The following GPR149 variants were observed in gnomAD, a reference collection of about 807,000 sequenced individuals.
The protein encoded by GPR149 is G protein-coupled receptor 149.
Under a neutral mutation model 50.2 loss-of-function variants are expected in GPR149, and 50 were observed. The observed-to-expected ratio is 1.00, with a 90% CI of 0.79 to 1.26. The LOEUF is 1.26. Among genes scored for constraint, GPR149 ranks in the 50% most tolerant of loss-of-function variants. The pLI is 0.00. For synonymous variants in GPR149, 405 were observed against 358.2 expected (o/e 1.13, Z -1.48); for missense variants, 983 against 895.4 (o/e 1.10, Z -1.25).
rs529178768 is a variant in GPR149, at chr3:154,387,070, A to G, written c.1623+33969T>C. 7.9e-5 allele frequency among the ~76,000 whole-genome samples: 12 copies of G among 152,282 alleles called. No individual in the cohort carries two copies. In the East Asian group the frequency reaches 2.1e-3, roughly 27 times the overall value. ...AAACCATTAACTGAATATATATAAA[A>G]CAATACCTATCATGACAATTTTTGA... On this transcript the variant is annotated intron_variant, in intron 3 of 3. Transcript: ENST00000389740.
chr3:154,352,057 T>G, intron 3 of GPR149: 148 of 441,174 alleles, frequency 3.4e-4, no homozygotes, highest in Middle Eastern at 1.4e-3. Context: ...TCAACTATCA[T>G]GAGCTAATTT....
intron 3 of GPR149, among the ~76,000 whole-genome samples, chr3:154,414,961 A>G (rs1260274205): frequency 6.6e-6 from 1 of 151,970 alleles, no homozygotes; most frequent in East Asian, 1.9e-4. Flanking sequence ...AAATTTAGAG[A>G]TTAGTTATTA....
intron 3 of GPR149, among the ~76,000 whole-genome samples, chr3:154,350,201 TAAAAAAG>T (rs2108388445): frequency 6.6e-6 from 1 of 151,150 alleles, no homozygotes; most frequent in Non-Finnish European, 1.5e-5. Context: ...GTCTCAAAAA[TAAAAAAG>T]AAAAGAAAAG....
intron 3 of GPR149, among the ~76,000 whole-genome samples, chr3:154,355,647 A>T (rs1267134787): frequency 6.6e-6 from 1 of 152,236 alleles, no homozygotes; most frequent in Non-Finnish European, 1.5e-5. Flanking sequence ...AAGAAAGCAT[A>T]CACTGATTGT....
intron 3 of GPR149, among the ~76,000 whole-genome samples, chr3:154,412,475 A>C (rs528753429): frequency 4.6e-5 from 7 of 152,158 alleles, no homozygotes; most frequent in Non-Finnish European, 1.0e-4. Context: ...TAAATTCTGC[A>C]AAGTTTCAGG....
chr3:154,357,853 C>T (rs576106075), intron 3 of GPR149, among the ~76,000 whole-genome samples: 82 of 152,214 alleles, frequency 5.4e-4, no homozygotes, highest in African/African-American at 1.7e-3. Flanking sequence ...ATGTTTATTG[C>T]GGCACTTTTC....
At chr3:154,381,760 T>C (rs1714934132) in intron 3 of GPR149, among the ~76,000 whole-genome samples, 1 of 152,190 alleles carries the variant, frequency 6.6e-6, no homozygotes, top group South Asian at 2.1e-4. Flanking sequence ...TTGAAGTCTG[T>C]TTATGAAAGA....
At chr3:154,341,163 G>C (rs1713783656) in intron 3 of GPR149, among the ~76,000 whole-genome samples, 1 of 151,184 alleles carries the variant, frequency 6.6e-6, no homozygotes, top group Non-Finnish European at 1.5e-5. Flanking sequence ...AACTTAGATG[G>C]GGTGAGAAAA....
chr3:154,409,424 G>A (rs1711778165), intron 3 of GPR149, among the ~76,000 whole-genome samples: 1 of 152,034 alleles, frequency 6.6e-6, no homozygotes, highest in African/African-American at 2.4e-5. Context: ...CAATTATTAA[G>A]CTAATCAAGG....
chr3:154,387,156 G>A (rs937313850), intron 3 of GPR149, among the ~76,000 whole-genome samples: 9 of 152,184 alleles, frequency 5.9e-5, no homozygotes, highest in Non-Finnish European at 1.0e-4. Flanking sequence ...GCTTATGGGT[G>A]TTGAGCACAC....
intron 2 of GPR149, among the ~76,000 whole-genome samples, chr3:154,426,873 T>C (rs1449225521): frequency 8.8e-4 from 3 of 3,404 alleles, no homozygotes; most frequent in African/African-American, 2.3e-3. Context: ...GACCAGGGCG[T>C]GTGTGTGTGT....
In GPR149 at chr3:154,403,998, CAT is replaced by C. The variant is rs1559986337; in HGVS notation, c.1623+17039_1623+17040del. Among the ~76,000 whole-genome samples the C allele has an allele frequency of 3.3e-5, 5 of 152,322 alleles. No individual in the cohort carries two copies. In the South Asian group the frequency reaches 8.3e-4, roughly 25 times the overall value. ...TAATTTATTTAGATGTAAACAACCA[CAT>C]GTGACTAGTGGTTAATGTATTGGAC... On this transcript the variant is annotated intron_variant, in intron 3 of 3. Transcript: ENST00000389740.
intron 3 of GPR149, among the ~76,000 whole-genome samples, chr3:154,373,304 T>C (rs1347619019): frequency 1.3e-5 from 2 of 152,144 alleles, no homozygotes; most frequent in Non-Finnish European, 2.9e-5. Context: ...GAAAAGCTCA[T>C]TGATCCCTGG....
chr3:154,338,635 A>C (rs552572431), intron 3 of GPR149, among the ~76,000 whole-genome samples: 1 of 152,264 alleles, frequency 6.6e-6, no homozygotes, highest in Admixed American at 6.5e-5. Flanking sequence ...TTTTTGTTAC[A>C]TACTCAGTTA....
intron 3 of GPR149, among the ~76,000 whole-genome samples, chr3:154,378,090 T>TCCCC (rs1559979445): frequency 4.1e-4 from 14 of 33,900 alleles, no homozygotes; most frequent in African/African-American, 2.0e-3. Context: ...CCCCCCCCCT[T>TCCCC]TTTTTTTTTT....
chr3:154,392,450 G>T (rs1367125295), intron 3 of GPR149, among the ~76,000 whole-genome samples: 1 of 151,726 alleles, frequency 6.6e-6, no homozygotes, highest in Non-Finnish European at 1.5e-5. Flanking sequence ...TACTAAGAGA[G>T]AAGTTTATAG....
chr3:154,376,122 C>T (rs1714787440), intron 3 of GPR149, among the ~76,000 whole-genome samples: 1 of 152,212 alleles, frequency 6.6e-6, no homozygotes, highest in Admixed American at 6.5e-5. Context: ...ATTACTCAGT[C>T]TATCTAGCTA....
Position 154,429,418 on chromosome 3 carries a change from A to G in GPR149, c.198T>C (p.Val66=), listed in dbSNP as rs367933256. Residue 66 remains valine, a synonymous_variant, in exon 1 of 4, where the codon GTT becomes GTC. Transcript: ENST00000389740. The stretch of plus-strand genomic sequence containing the variant: ...ACCAGGAAGCCACAAGCATGGACAC[A>G]ACAGTTCTGTTCTGCATTTTCAGCA... ...ISLLKMQNRT[V]VSMLVASWSV... is the part of the protein sequence containing the mutation. 2.6e-4 allele frequency: 423 copies of G among 1,614,070 alleles called. No individual in the cohort carries two copies. Among genetic ancestry groups the G allele is most frequent in the Non-Finnish European group, 3.5e-4 (408 of 1,180,040 alleles).
chr3:154,378,949 G>A lies in GPR149; in HGVS notation c.1624-40678C>T, dbSNP rs1714858633. On this transcript the variant is annotated intron_variant, in intron 3 of 3. Transcript: ENST00000389740. ...TTCTTTATATATTCTGGATATAAAA[G>A]TCCTTTATCGGCCGGGCGCGGTGGC... Among the ~76,000 whole-genome samples the A allele has an allele frequency of 1.1e-4, 2 of 18,514 alleles. 1 individual carries two copies. Among genetic ancestry groups the A allele is most frequent in the Non-Finnish European group, 2.6e-4 (2 of 7,636 alleles). 12.1% of individuals were successfully genotyped at this position (18,514 alleles called of 152,430 possible).
Sources: allele counts gnomAD v4.1 joint callset (sites outside exome capture counted in the v4.1 genomes callset), GRCh38; gene constraint gnomAD v4.1.1; transcripts MANE v1.5; gene names NCBI Gene and HGNC (gene_info 2026-07-23, HGNC 2026-07-21).